MSTN: variants seen among roughly 807,000 people sequenced by gnomAD.
MSTN encodes the protein growth/differentiation factor 8.
In MSTN, 12 loss-of-function variants were observed where a neutral mutation model predicts 32.3. The observed-to-expected ratio is 0.37, with a 90% CI of 0.24 to 0.60. The LOEUF (loss-of-function observed/expected upper bound fraction) is 0.60, where lower values mean the gene tolerates loss of function less well. Among genes scored for constraint, MSTN ranks in the 20% least tolerant of loss-of-function variants. The probability of loss-of-function intolerance (pLI) is 0.67; values close to 1 mark genes in which losing one functional copy is unlikely to be tolerated. For missense variants in MSTN, 403 were observed against 450.3 expected, an observed-to-expected ratio of 0.89 and a Z score of 0.95; for synonymous variants, 168 against 155.1, an observed-to-expected ratio of 1.08 and a Z score of -0.62.
At position 190,060,161 on chromosome 2, in the gene MSTN, G is replaced by A. The variant is rs780653122; in HGVS notation, c.648C>T (p.Leu216=). ...TGCCTAAGTTGGATTCAGGTTGTTT[G>A]AGCCAATTTTGCAACACTGTCTTCA... ...IDVKTVLQNW[L]KQPESNLGIE... The change falls in exon 2 of 3, where the codon CTC becomes CTT. Residue 216 remains leucine (L), a synonymous_variant. Coordinates refer to ENST00000260950, the MANE Select transcript of MSTN (RefSeq NM_005259.3). 6.2e-7 allele frequency: 1 copy of A among 1,612,978 alleles called. No homozygotes were observed. The highest frequency in any genetic ancestry group is 8.5e-7 in the Non-Finnish European group (1 of 1,179,256).
rs762670202 is a variant in MSTN, at chr2:190,062,543, A to C, written c.54T>G (p.Ala18=). ...TGTTCTCATTTAGATCCACTGGACC[A>C]GCAACAATCAGCATAAACAGGTAAA... The part of the protein sequence containing the change: ...VYIYLFMLIV[A]GPVDLNENSE... The change falls in exon 1 of 3, where the codon GCT becomes GCG. Residue 18 remains alanine (A), a synonymous_variant. Transcript: ENST00000260950. 2.5e-6 allele frequency: 4 copies of C among 1,613,196 alleles called. No individual in the cohort carries two copies. Among genetic ancestry groups the C allele is most frequent in the Non-Finnish European group, 8.5e-7 (1 of 1,179,510 alleles).
chr2:190,062,472 C>T lies in MSTN; in HGVS notation c.125G>A (p.Cys42Tyr). 1 of 1,613,640 alleles carries T rather than the reference C, an allele frequency of 6.2e-7. No homozygotes were observed. Among genetic ancestry groups the T allele is most frequent in the Non-Finnish European group, 8.5e-7 (1 of 1,179,660 alleles). The part of the protein sequence containing the change: ...NVEKEGLCNA[C>Y]TWRQNTKSSR... ...AGATTTAGTGTTTTGTCTCCAAGTA[C>T]ATGCATTACACAGCCCCTCTTTTTC... The change falls in exon 1 of 3, where the codon TGT becomes TAT. Residue 42 changes from cysteine (C) to tyrosine (Y), a missense_variant. Cys to Tyr is a radical substitution (Grantham distance 194, BLOSUM62 -2). Coordinates refer to ENST00000260950, the MANE Select transcript of MSTN (RefSeq NM_005259.3).
chr2:190,061,170 T>A (rs529168466), intron 1 of MSTN, among the ~76,000 whole-genome samples: 1 of 152,036 alleles, frequency 6.6e-6, no homozygotes. Context: ...GAGTCTTAAA[T>A]GGAAATTCTT....
In MSTN at chr2:190,057,273, G is replaced by A; in HGVS notation, c.1113C>T (p.Arg371=). The stretch of plus-strand genomic sequence containing the variant: ...AATATAAATCTCATGAGCACCCACA[G>A]CGGTCTACTACCATCGCTGGAATTT... The part of the protein sequence containing the change: ...YGKIPAMVVD[R]CGCS Residue 371 remains arginine (R), a synonymous_variant, in exon 3 of 3, where the codon CGC becomes CGT. Coordinates refer to ENST00000260950, the MANE Select transcript of MSTN (RefSeq NM_005259.3). 1 of 1,613,252 alleles carries A rather than the reference G, an allele frequency of 6.2e-7. No individual in the cohort carries two copies. The highest frequency in any genetic ancestry group is 1.1e-5 in the South Asian group (1 of 91,054).
rs1212883493 is a variant in MSTN at position 190,057,393 on chromosome 2, G to T, written c.993C>A (p.Asn331Lys). The part of the protein sequence containing the change: ...YPHTHLVHQA[N>K]PRGSAGPCCT... ...AGCAAGGGCCTGCTGAACCTCTGGG[G>T]TTTGCTTGGTGTACCAGATGAGTAT... The change falls in exon 3 of 3, where the codon AAC becomes AAA. Residue 331 changes from asparagine to lysine, a missense_variant. Coordinates refer to ENST00000260950, the MANE Select transcript of MSTN (RefSeq NM_005259.3). The T allele has an allele frequency of 6.2e-7, 1 of 1,613,484 alleles. No homozygotes were observed. The highest frequency in any genetic ancestry group is 1.3e-5 in the African/African-American group (1 of 74,870).
At chr2:190,060,019 A>C (rs1459613978) in intron 2 of MSTN, 43 bp downstream of exon 2, 1 of 1,586,320 alleles carries the variant, frequency 6.3e-7, no homozygotes. Context: ...ATTATGAATA[A>C]AAACATAAGG....
intron 2 of MSTN, 124 bp downstream of exon 2, chr2:190,059,938 G>T (rs969849899): frequency 1.1e-6 from 1 of 939,000 alleles, no homozygotes; most frequent in Non-Finnish European, 1.6e-6. Context: ...GGCTACCGTT[G>T]GGGTAAGATA....
rs1329222765 is a variant in MSTN at position 190,057,134 on chromosome 2, T to C, written c.*124A>G. 7.1e-6 allele frequency: 7 copies of C among 987,318 alleles called. No individual in the cohort carries two copies. In the African/African-American group the frequency reaches 1.1e-4, roughly 16 times the overall value. The allele number at this position is 987,318 out of a possible 1,614,324, so 61.2% of individuals were successfully genotyped here. A position where few individuals can be genotyped will look rare whatever the true frequency, so the allele number is the denominator to read the frequency against. On this transcript the variant is annotated 3_prime_UTR_variant, in exon 3 of 3. Coordinates refer to ENST00000260950, the MANE Select transcript of MSTN (RefSeq NM_005259.3). ...CCCCTTTTAGTTTACATACTGTAGC[T>C]TATGCTTAAGTGACTGTAGCATACT...
chr2:190,059,799 T>C (rs1367061968), intron 2 of MSTN, among the ~76,000 whole-genome samples: 1 of 151,882 alleles, frequency 6.6e-6, no homozygotes, highest in Non-Finnish European at 1.5e-5. Context: ...TCATTCCCAA[T>C]TCAAAAGGAC....
rs1685555029 is a variant in MSTN at position 190,060,259 on chromosome 2, T to C, written c.550A>G (p.Thr184Ala). ...LRLIKPMKDGTRYTGIRSLKL... is the reference protein window; with the variant it reads ...LRLIKPMKDGARYTGIRSLKL... ...AGAGATCGGATTCCAGTATACCTTG[T>C]ACCGTCTTTCATAGGTTTGATGAGT... Residue 184 changes from threonine (T) to alanine (A), a missense_variant, in exon 2 of 3, where the codon ACA becomes GCA. By Grantham distance (58) the Thr-to-Ala change is moderately conservative. Coordinates refer to ENST00000260950, the MANE Select transcript of MSTN (RefSeq NM_005259.3). 2.5e-6 allele frequency: 4 copies of C among 1,613,164 alleles called. No homozygotes were observed. Among genetic ancestry groups the C allele is most frequent in the Non-Finnish European group, 3.4e-6 (4 of 1,179,306 alleles).
chr2:190,058,807 A>T (rs543235626), intron 2 of MSTN, among the ~76,000 whole-genome samples: 30 of 152,122 alleles, frequency 2.0e-4, no homozygotes, highest in African/African-American at 7.2e-4. Flanking sequence ...ACGCAAAGAC[A>T]TACAGAGTAG....
intron 1 of MSTN, among the ~76,000 whole-genome samples, chr2:190,062,010 T>C (rs923863892): frequency 6.6e-6 from 1 of 152,092 alleles, no homozygotes; most frequent in Non-Finnish European, 1.5e-5. Flanking sequence ...CTTTATTTTT[T>C]AGTTTTTTGT....
At position 190,062,193 on chromosome 2, in the gene MSTN, A is replaced by G. The variant is rs755626074; in HGVS notation, c.373+31T>C. The G allele has an allele frequency of 3.1e-6, 5 of 1,610,180 alleles. No homozygotes were observed. The South Asian group carries it at 5.5e-5, about 18-fold the overall frequency. On this transcript the variant is annotated intron_variant, in intron 1 of 2. Coordinates refer to ENST00000260950, the MANE Select transcript of MSTN (RefSeq NM_005259.3). ...AAACACTAGAACAACAGTCAGCAGA[A>G]CTGTTGATATACACTAATAGGACTA...
chr2:190,061,309 C>A (rs1685586501), intron 1 of MSTN, among the ~76,000 whole-genome samples: 3 of 151,932 alleles, frequency 2.0e-5, no homozygotes, highest in South Asian at 4.1e-4. Flanking sequence ...TCTTGCCATG[C>A]CTTCTCTGTC....
In MSTN at chr2:190,056,506, C is replaced by T. The variant is rs989721361; in HGVS notation, c.*752G>A. Reference sequence around the variant, plus strand: ...ACTGCCTTTTAAGATAATGCAGTTTCTCCAAGTATGCTACAGAATTGAAAG... The same window carrying T: ...ACTGCCTTTTAAGATAATGCAGTTTTTCCAAGTATGCTACAGAATTGAAAG... On this transcript the variant is annotated 3_prime_UTR_variant, in exon 3 of 3. Coordinates refer to ENST00000260950, the MANE Select transcript of MSTN (RefSeq NM_005259.3). 6.6e-6 allele frequency: 1 copy of T among 152,514 alleles called. No individual in the cohort carries two copies. The allele number at this position is 152,514 out of a possible 1,614,324, so 9.4% of individuals were successfully genotyped here. A position where few individuals can be genotyped will look rare whatever the true frequency, so the allele number is the denominator to read the frequency against.
At chr2:190,058,987 C>T (rs967304257) in intron 2 of MSTN, among the ~76,000 whole-genome samples, 1 of 151,252 alleles carries the variant, frequency 6.6e-6, no homozygotes, top group Non-Finnish European at 1.5e-5. Flanking sequence ...TGAAGTAAAA[C>T]ATGTGTGTGT....
chr2:190,060,160 T>C lies in MSTN; in HGVS notation c.649A>G (p.Lys217Glu). Residue 217 changes from lysine (K) to glutamate (E), a missense_variant, in exon 2 of 3, where the codon AAA becomes GAA. Physicochemically the swap from Lys to Glu is moderately conservative, Grantham distance 56. Transcript: ENST00000260950. ...DVKTVLQNWL[K>E]QPESNLGIEI... ...ATGCCTAAGTTGGATTCAGGTTGTT[T>C]GAGCCAATTTTGCAACACTGTCTTC... 3 of 1,613,116 alleles carry C rather than the reference T, an allele frequency of 1.9e-6. No individual in the cohort carries two copies. The highest frequency in any genetic ancestry group is 2.5e-6 in the Non-Finnish European group (3 of 1,179,276).
chr2:190,058,287 CATGAAAAA>C (rs1378955993), intron 2 of MSTN, among the ~76,000 whole-genome samples: 1 of 151,954 alleles, frequency 6.6e-6, no homozygotes, highest in East Asian at 1.9e-4. Context: ...TTTCCCTTTA[CATGAAAAA>C]ATCTGAGGAA....
Position 190,056,749 on chromosome 2 carries a change from A to G in MSTN, c.*509T>C, listed in dbSNP as rs1685440856. The G allele has an allele frequency of 6.3e-6, 1 of 158,514 alleles. No homozygotes were observed. The highest frequency in any genetic ancestry group is 6.0e-5 in the Admixed American group (1 of 16,544). 9.8% of individuals were successfully genotyped at this position (158,514 alleles called of 1,614,324 possible). On this transcript the variant is annotated 3_prime_UTR_variant, in exon 3 of 3. Transcript: ENST00000260950. ...CAATTATAATAGGAATGGAAATTGC[A>G]TATGCTGCACCATCCCTATTTTTGT...
Sources: allele counts gnomAD v4.1 joint callset (sites outside exome capture counted in the v4.1 genomes callset), GRCh38; gene constraint gnomAD v4.1.1; transcripts MANE v1.5; gene names NCBI Gene and HGNC (gene_info 2026-07-23, HGNC 2026-07-21).